ZNF385C: variants seen among roughly 807,000 people sequenced by gnomAD.
ZNF385C encodes zinc finger protein 385C, also known as CTD-2132N18.2.
In ZNF385C, 28 loss-of-function variants were observed where a neutral mutation model predicts 35.4. That is an observed-to-expected ratio of 0.79 (90% CI 0.59 to 1.08). ZNF385C has a LOEUF of 1.08. ZNF385C is among the 50% of genes least tolerant of loss of function. The probability of loss-of-function intolerance (pLI) is 0.00; values close to 1 mark genes in which losing one functional copy is unlikely to be tolerated. For missense variants in ZNF385C, 605 were observed against 595.6 expected (o/e 1.02, Z -0.16); for synonymous variants, 248 against 248.2 (o/e 1.00, Z 0.01).
At chr17:42,092,262 A>G (rs2053869980) in intron 1 of ZNF385C, among the ~76,000 whole-genome samples, 1 of 152,128 alleles carries the variant, frequency 6.6e-6, no homozygotes, top group Non-Finnish European at 1.5e-5. Flanking sequence ...TTAGCTGGGC[A>G]TGGTGGCATG....
intron 2 of ZNF385C, among the ~76,000 whole-genome samples, chr17:42,058,801 A>G (rs902094127): frequency 6.6e-6 from 1 of 152,148 alleles, no homozygotes; most frequent in East Asian, 1.9e-4. Flanking sequence ...GACTACAGGT[A>G]CCCCACAACC....
intron 1 of ZNF385C, among the ~76,000 whole-genome samples, chr17:42,093,444 C>T (rs185635216): frequency 6.6e-6 from 1 of 152,224 alleles, no homozygotes; most frequent in African/African-American, 2.4e-5. Flanking sequence ...CCCAGCCCTG[C>T]TCCCAGGCCT....
At chr17:42,085,338 G>A (rs1431433146) in intron 1 of ZNF385C, among the ~76,000 whole-genome samples, 1 of 151,822 alleles carries the variant, frequency 6.6e-6, no homozygotes, top group Non-Finnish European at 1.5e-5. Flanking sequence ...GCACAATGTC[G>A]GCTCACTGCA....
intron 1 of ZNF385C, among the ~76,000 whole-genome samples, chr17:42,085,422 C>A (rs1555660037): frequency 6.6e-6 from 1 of 151,560 alleles, no homozygotes; most frequent in Non-Finnish European, 1.5e-5. Flanking sequence ...GTGTGCGCCA[C>A]CACGTCCGGC....
intron 1 of ZNF385C, among the ~76,000 whole-genome samples, chr17:42,069,205 G>C (rs967569469): frequency 6.6e-6 from 1 of 151,462 alleles, no homozygotes; most frequent in Admixed American, 6.6e-5. Context: ...ACCTGTGCTG[G>C]AGAGCTGTGT....
At chr17:42,040,517 C>T in intron 2 of ZNF385C, 1 of 1,232,836 alleles carries the variant, frequency 8.1e-7, no homozygotes. Flanking sequence ...GGCAGGGCAT[C>T]CAGCAGCAGG....
At position 42,026,946 on chromosome 17, in the gene ZNF385C, G is replaced by T; in HGVS notation, c.1463C>A (p.Ala488Glu). 6.2e-7 allele frequency: 1 copy of T among 1,610,586 alleles called. No individual in the cohort carries two copies. ...ILGPALFRTP[A>E]GAVRPATGPI... is the part of the protein sequence containing the mutation. ...TCCTGTGGCAGGGCGGACAGCTCCT[G>T]CTGGGGTGCGAAACAGAGCTGGGCC... Residue 488 changes from alanine to glutamate, a missense_variant, in exon 9 of 9, where the codon GCA becomes GAA. Coordinates refer to ENST00000692273, the MANE Select transcript of ZNF385C (RefSeq NM_001392013.1).
intron 1 of ZNF385C, among the ~76,000 whole-genome samples, chr17:42,070,006 C>A (rs2053601583): frequency 1.3e-5 from 2 of 151,790 alleles, no homozygotes; most frequent in Admixed American, 1.3e-4. Context: ...TGCACCACTG[C>A]ACTCCAGCCC....
intron 2 of ZNF385C, chr17:42,041,265 G>C (rs1567986957): frequency 8.3e-7 from 1 of 1,199,826 alleles, no homozygotes. Context: ...GGCAGTGCGG[G>C]GTGGTGGAAA....
At chr17:42,045,588 A>G (rs1376176908) in intron 2 of ZNF385C, among the ~76,000 whole-genome samples, 2 of 152,178 alleles carry the variant, frequency 1.3e-5, no homozygotes, top group Admixed American at 6.5e-5. Flanking sequence ...CTGAGGCTCA[A>G]TCAGAGTGAC....
At chr17:42,078,794 G>T (rs529961500) in intron 1 of ZNF385C, among the ~76,000 whole-genome samples, 1 of 152,124 alleles carries the variant, frequency 6.6e-6, no homozygotes, top group Non-Finnish European at 1.5e-5. Flanking sequence ...TAAGATGGAA[G>T]GGGGAGGAGG....
At chr17:42,036,277 G>T (rs1260083935) in intron 3 of ZNF385C, among the ~76,000 whole-genome samples, 1 of 152,260 alleles carries the variant, frequency 6.6e-6, no homozygotes, top group East Asian at 1.9e-4. Context: ...GGGATGACAG[G>T]CATGAGCCAC....
chr17:42,028,769 C>G lies in ZNF385C; in HGVS notation c.967+14G>C. ...CCACCCTTTCCCTGGGCTCCAGCTC[C>G]TGGGACTACTGACCTGTGTTGTGAG... On this transcript the variant is annotated intron_variant, in intron 6 of 8. Transcript: ENST00000692273. 1 of 1,541,846 alleles carries G rather than the reference C, an allele frequency of 6.5e-7. No homozygotes were observed. Among genetic ancestry groups the G allele is most frequent in the Non-Finnish European group, 8.8e-7 (1 of 1,140,018 alleles).
intron 1 of ZNF385C, among the ~76,000 whole-genome samples, chr17:42,079,804 C>T (rs186564845): frequency 2.0e-5 from 3 of 152,128 alleles, no homozygotes; most frequent in African/African-American, 4.8e-5. Flanking sequence ...CACAGCCTTG[C>T]GTTGGAAACT....
intron 2 of ZNF385C, among the ~76,000 whole-genome samples, chr17:42,056,868 G>T (rs782206713): frequency 1.3e-5 from 2 of 152,096 alleles, no homozygotes; most frequent in Non-Finnish European, 2.9e-5. Flanking sequence ...GTGGAACTGT[G>T]AATCCATTAA....
chr17:42,033,932 A>C (rs2052784561), intron 4 of ZNF385C, among the ~76,000 whole-genome samples: 1 of 152,120 alleles, frequency 6.6e-6, no homozygotes, highest in Admixed American at 6.6e-5. Context: ...GAGGAAGGGC[A>C]GTCTTCTCTC....
At chr17:42,063,130 A>G in intron 1 of ZNF385C, 72 bp from the exon 2 acceptor site, 2 of 560,394 alleles carry the variant, frequency 3.6e-6, no homozygotes, top group Non-Finnish European at 6.4e-6. Flanking sequence ...GGAGGGGCTC[A>G]AGACCGGGAG....
chr17:42,039,898 C>T (rs2052967513), intron 2 of ZNF385C: 2 of 1,231,300 alleles, frequency 1.6e-6, no homozygotes, highest in South Asian at 4.1e-5. Flanking sequence ...GTCCAGCAGG[C>T]CAGCGCCCGC....
intron 1 of ZNF385C, among the ~76,000 whole-genome samples, chr17:42,068,162 C>T (rs773257490): frequency 5.9e-5 from 9 of 152,062 alleles, no homozygotes; most frequent in African/African-American, 1.4e-4. Flanking sequence ...AAAGTGTGGA[C>T]GGGTGGGCAG....
Sources: allele counts gnomAD v4.1 joint callset (sites outside exome capture counted in the v4.1 genomes callset), GRCh38; gene constraint gnomAD v4.1.1; transcripts MANE v1.5; gene names NCBI Gene and HGNC (gene_info 2026-07-23, HGNC 2026-07-21).